Variants in TRHDE observed in about 807,000 individuals in gnomAD.
The protein encoded by TRHDE is thyrotropin-releasing hormone-degrading ectoenzyme.
In TRHDE, 72 loss-of-function variants were observed where a neutral mutation model predicts 125.7. The ratio of observed to expected loss-of-function variants is 0.57; its 90% confidence interval spans 0.47 to 0.70. The LOEUF is 0.70. Among genes scored for constraint, TRHDE ranks in the 30% least tolerant of loss-of-function variants. The probability of loss-of-function intolerance (pLI) is 0.00; values close to 1 mark genes in which losing one functional copy is unlikely to be tolerated. For synonymous variants in TRHDE, 509 were observed against 509.1 expected (o/e 1.00, Z 0.00); for missense variants, 1,110 against 1,327.1 (o/e 0.84, Z 2.54).
chr12:72,139,166 T>C (rs944875635), intron 2 of TRHDE, among the ~76,000 whole-genome samples: 1 of 152,142 alleles, frequency 6.6e-6, no homozygotes, highest in Non-Finnish European at 1.5e-5. Flanking sequence ...ACATTTAAAA[T>C]TACTATAACT....
intron 3 of TRHDE, among the ~76,000 whole-genome samples, chr12:72,381,290 A>C (rs1304410038): frequency 2.0e-5 from 3 of 152,142 alleles, no homozygotes; most frequent in Non-Finnish European, 2.9e-5. Flanking sequence ...ATAAGAGGCT[A>C]TGGCAAAATT....
chr12:72,090,195 G>A (rs981605631), intron 1 of TRHDE, among the ~76,000 whole-genome samples: 4 of 152,180 alleles, frequency 2.6e-5, no homozygotes, highest in African/African-American at 9.7e-5. Flanking sequence ...GTCTTAGGGA[G>A]AGCATAGTTA....
chr12:72,194,834 G>A (rs1368685195), intron 2 of TRHDE, among the ~76,000 whole-genome samples: 2 of 152,100 alleles, frequency 1.3e-5, no homozygotes, highest in African/African-American at 2.4e-5. Flanking sequence ...GTGCTGCTAC[G>A]AGTGGATGTG....
intron 2 of TRHDE, among the ~76,000 whole-genome samples, chr12:72,164,798 A>G (rs936313431): frequency 6.6e-6 from 1 of 152,164 alleles, no homozygotes; most frequent in Non-Finnish European, 1.5e-5. Context: ...TCGGGGCCTC[A>G]ATCCCCTATA....
At chr12:72,321,027 G>A (rs868105921) in intron 2 of TRHDE, among the ~76,000 whole-genome samples, 1 of 152,282 alleles carries the variant, frequency 6.6e-6, no homozygotes, top group African/African-American at 2.4e-5. Context: ...AGTGGGAAAT[G>A]TATCTACCAT....
chr12:72,646,409 AAAAGAG>A (rs1368291962), intron 15 of TRHDE, among the ~76,000 whole-genome samples: 3 of 152,178 alleles, frequency 2.0e-5, no homozygotes, highest in East Asian at 3.9e-4. Flanking sequence ...GGAAGATGGC[AAAAGAG>A]AAAAAGACAG....
chr12:72,187,944 C>G (rs1234835662), intron 2 of TRHDE, among the ~76,000 whole-genome samples: 1 of 152,116 alleles, frequency 6.6e-6, no homozygotes, highest in East Asian at 1.9e-4. Context: ...GTCTATTATA[C>G]ACATTAAACC....
At chr12:72,429,015 T>A (rs1874309895) in intron 3 of TRHDE, among the ~76,000 whole-genome samples, 1 of 151,936 alleles carries the variant, frequency 6.6e-6, no homozygotes. Flanking sequence ...TATGCAGCCA[T>A]AAAAAAGGAT....
chr12:72,240,303 TTTTATA>T (rs66927316), intron 2 of TRHDE, among the ~76,000 whole-genome samples: 54,043 of 109,378 alleles, frequency 0.49, 10,743 homozygotes, highest in Non-Finnish European at 0.54. Context: ...CCTTCTCACA[TTTTATA>T]TATATATATA....
intron 6 of TRHDE, among the ~76,000 whole-genome samples, chr12:72,512,580 A>G (rs1462323759): frequency 7.1e-6 from 1 of 141,356 alleles, no homozygotes; most frequent in Non-Finnish European, 1.5e-5. Flanking sequence ...ATATAATCAT[A>G]TAATAATCAT....
At chr12:72,332,909 G>C (rs1167589731) in intron 2 of TRHDE, among the ~76,000 whole-genome samples, 1 of 152,156 alleles carries the variant, frequency 6.6e-6, no homozygotes, top group African/African-American at 2.4e-5. Flanking sequence ...AATTCATTTG[G>C]ACCTTAATGT....
rs1227448318 is a variant in TRHDE at position 72,597,709 on chromosome 12, GTA to G, written c.2322-21180_2322-21179del. Among the ~76,000 whole-genome samples the G allele has an allele frequency of 3.4e-3, 196 of 56,924 alleles. 21 individuals are homozygous for G. The highest frequency in any genetic ancestry group is 0.013 in the African/African-American group (186 of 14,556). 37.3% of individuals were successfully genotyped at this position (56,924 alleles called of 152,430 possible). A position where few individuals can be genotyped will look rare whatever the true frequency, so the allele number is the denominator to read the frequency against. ...AAGAGAGGTATATATATGTGTGTGT[GTA>G]TGTATATATATATATATATATATAT... On this transcript the variant is annotated intron_variant, in intron 12 of 18. Transcript: ENST00000261180.
At chr12:72,563,336 A>G (rs1870275026) in intron 9 of TRHDE, among the ~76,000 whole-genome samples, 1 of 152,220 alleles carries the variant, frequency 6.6e-6, no homozygotes, top group African/African-American at 2.4e-5. Flanking sequence ...TGTTTCTTGA[A>G]TTAAATGCAA....
intron 3 of TRHDE, among the ~76,000 whole-genome samples, chr12:72,390,452 A>G (rs1872576265): frequency 6.6e-6 from 1 of 152,192 alleles, no homozygotes; most frequent in Non-Finnish European, 1.5e-5. Flanking sequence ...AAAGGTGACC[A>G]TTCTCATAAA....
chr12:72,425,249 C>T lies in TRHDE; in HGVS notation c.1316-44509C>T, dbSNP rs73344413. 9.8e-3 allele frequency among the ~76,000 whole-genome samples: 1,493 copies of T among 152,128 alleles called. 33 individuals are homozygous for T. Among genetic ancestry groups the T allele is most frequent in the African/African-American group, 0.034 (1,394 of 41,498 alleles). On this transcript the variant is annotated intron_variant, in intron 3 of 18. Coordinates refer to ENST00000261180, the MANE Select transcript of TRHDE (RefSeq NM_013381.3). ...AATGATTTTCCTTGGAAAACTATAG[C>T]GGATTGGTTTTATTTTTCTGTTTGG...
intron 3 of TRHDE, among the ~76,000 whole-genome samples, chr12:72,439,137 C>A (rs1394553319): frequency 1.3e-5 from 2 of 151,742 alleles, no homozygotes; most frequent in Non-Finnish European, 2.9e-5. Flanking sequence ...TGGGCTCTCT[C>A]TTCTGCTTAA....
At chr12:72,608,857 G>C (rs971136287) in intron 12 of TRHDE, among the ~76,000 whole-genome samples, 7 of 152,168 alleles carry the variant, frequency 4.6e-5, no homozygotes, top group African/African-American at 7.2e-5. Context: ...AGAATATCAT[G>C]GGTGTGGTGT....
chr12:72,525,634 T>TGTGTGTGTGA (rs1431758592), intron 6 of TRHDE, among the ~76,000 whole-genome samples: 1 of 98,842 alleles, frequency 1.0e-5, no homozygotes, highest in African/African-American at 2.8e-5. Context: ...TGTGTGTGTG[T>TGTGTGTGTGA]GAGAGAGAGA....
chr12:72,346,098 G>C (rs1438701143), intron 2 of TRHDE, among the ~76,000 whole-genome samples: 1 of 152,006 alleles, frequency 6.6e-6, no homozygotes, highest in Non-Finnish European at 1.5e-5. Context: ...GCTCAGGGTG[G>C]TGTATTTCTG....
Sources: gnomAD v4.1 joint callset for allele counts (sites outside exome capture counted in the v4.1 genomes callset) on GRCh38, gnomAD v4.1.1 for gene constraint, MANE v1.5 for transcripts, NCBI Gene and HGNC (gene_info 2026-07-23, HGNC 2026-07-21) for gene names.